The following PTK2 variants were observed in gnomAD, a reference collection of about 807,000 sequenced individuals.
PTK2 encodes the protein focal adhesion kinase 1.
A neutral mutation model predicts 150.1 loss-of-function variants in PTK2; 45 were observed. The observed-to-expected ratio is 0.30, with a 90% confidence interval of 0.24 to 0.38. The LOEUF is 0.38. PTK2 is among the 10% of genes least tolerant of loss of function. The pLI is 1.00. For synonymous variants in PTK2, 432 were observed against 449.2 expected (o/e 0.96, Z 0.48); for missense variants, 919 against 1,307.3 (o/e 0.70, Z 4.58).
intron 1 of PTK2, among the ~76,000 whole-genome samples, chr8:140,949,530 G>A (rs2100178808): frequency 6.6e-6 from 1 of 152,238 alleles, no homozygotes; most frequent in Non-Finnish European, 1.5e-5. Flanking sequence ...CCACTCCAGG[G>A]CAGAGCAAAG....
At position 140,775,266 on chromosome 8, in the gene PTK2, C is replaced by G. The variant is rs568832498; in HGVS notation, c.1178-10976G>C. Among the ~76,000 whole-genome samples, 4 of 152,218 alleles carry G rather than the reference C, an allele frequency of 2.6e-5. No individual in the cohort carries two copies. In the South Asian group the frequency reaches 8.3e-4, roughly 32 times the overall value. ...AGGGGAGGCAGAGGTGGGCAGATCA[C>G]CTGAGCTCTGGAGTTGGGAGACCAG... On this transcript the variant is annotated intron_variant, in intron 14 of 31. Transcript: ENST00000522684.
intron 1 of PTK2, among the ~76,000 whole-genome samples, chr8:140,929,592 A>G (rs75456950): frequency 6.6e-6 from 1 of 152,142 alleles, no homozygotes; most frequent in South Asian, 2.1e-4. Flanking sequence ...ACAAGTAAGG[A>G]CTTGTGATAC....
intron 29 of PTK2, among the ~76,000 whole-genome samples, chr8:140,673,593 A>C (rs2100011882): frequency 6.6e-6 from 1 of 152,240 alleles, no homozygotes; most frequent in South Asian, 2.1e-4. Flanking sequence ...ATCTCCTTAC[A>C]GGACACAGGC....
intron 1 of PTK2, among the ~76,000 whole-genome samples, chr8:140,929,832 C>G (rs1476829187): frequency 6.6e-6 from 1 of 151,632 alleles, no homozygotes; most frequent in African/African-American, 2.4e-5. Context: ...ATGTATTTTT[C>G]AGTTATGATA....
chr8:140,983,657 G>A (rs2100192245), intron 1 of PTK2, among the ~76,000 whole-genome samples: 1 of 145,764 alleles, frequency 6.9e-6, no homozygotes, highest in Admixed American at 6.9e-5. Flanking sequence ...AGAGAGGGAA[G>A]TGAAGGAAGG....
intron 27 of PTK2, among the ~76,000 whole-genome samples, chr8:140,676,010 G>A (rs1014418248): frequency 1.3e-5 from 2 of 152,126 alleles, no homozygotes; most frequent in East Asian, 1.9e-4. Context: ...ATCAACCTAA[G>A]TGTCCATCAA....
chr8:140,808,692 C>T (rs2100099584), intron 10 of PTK2, among the ~76,000 whole-genome samples: 1 of 148,316 alleles, frequency 6.7e-6, no homozygotes, highest in Non-Finnish European at 1.5e-5. Flanking sequence ...CTAAATAATG[C>T]TATAATGAAA....
chr8:140,800,718 G>T, intron 11 of PTK2, 142 bp from the exon 12 acceptor site: 1 of 643,524 alleles, frequency 1.6e-6, no homozygotes, highest in Non-Finnish European at 2.7e-6. Flanking sequence ...TGAGATTTGA[G>T]AAAGGAAATC....
chr8:140,738,498 G>A (rs1485874823), intron 21 of PTK2, among the ~76,000 whole-genome samples: 1 of 152,122 alleles, frequency 6.6e-6, no homozygotes, highest in African/African-American at 2.4e-5. Flanking sequence ...CAGGTGAGGA[G>A]GAACAAATGA....
chr8:140,826,082 A>G (rs1309480045), intron 8 of PTK2, among the ~76,000 whole-genome samples: 1 of 152,228 alleles, frequency 6.6e-6, no homozygotes, highest in Admixed American at 6.5e-5. Flanking sequence ...TCTTCTACGA[A>G]TATAAATAGA....
intron 2 of PTK2, among the ~76,000 whole-genome samples, chr8:140,895,348 A>C (rs1462130129): frequency 6.6e-6 from 1 of 151,684 alleles, no homozygotes; most frequent in Non-Finnish European, 1.5e-5. Flanking sequence ...GGCTTGTGAG[A>C]CCCCTACAAA....
chr8:140,856,680 T>C (rs1184996612), intron 5 of PTK2, among the ~76,000 whole-genome samples: 1 of 152,194 alleles, frequency 6.6e-6, no homozygotes, highest in African/African-American at 2.4e-5. Flanking sequence ...GTGATGGTCA[T>C]ATTCTACATT....
At chr8:140,702,179 A>T (rs2100030947) in intron 25 of PTK2, among the ~76,000 whole-genome samples, 1 of 140,046 alleles carries the variant, frequency 7.1e-6, no homozygotes, top group South Asian at 2.3e-4. Context: ...AAATCTTAGG[A>T]TTTAGAAATA....
At chr8:140,754,058 T>C (rs922160112) in intron 16 of PTK2, among the ~76,000 whole-genome samples, 7 of 152,228 alleles carry the variant, frequency 4.6e-5, no homozygotes, top group African/African-American at 1.7e-4. Context: ...TTGTATACTA[T>C]GTGTTTCCAG....
chr8:140,955,716 AG>A (rs1161072613), intron 1 of PTK2, among the ~76,000 whole-genome samples: 2 of 152,220 alleles, frequency 1.3e-5, no homozygotes, highest in Non-Finnish European at 2.9e-5. Context: ...ATGACTCAGC[AG>A]GCCCAATGCA....
intron 1 of PTK2, among the ~76,000 whole-genome samples, chr8:140,929,582 A>G (rs530068485): frequency 3.0e-4 from 45 of 152,300 alleles, no homozygotes; most frequent in African/African-American, 9.9e-4. Flanking sequence ...GCTCACATAC[A>G]CAAGTAAGGA....
At chr8:140,871,957 C>G (rs2100142777) in intron 4 of PTK2, among the ~76,000 whole-genome samples, 1 of 151,974 alleles carries the variant, frequency 6.6e-6, no homozygotes, top group African/African-American at 2.4e-5. Context: ...ACCTATAATC[C>G]CAGCACTTTG....
chr8:140,786,776 A>T (rs2100085216), intron 14 of PTK2, among the ~76,000 whole-genome samples: 1 of 152,138 alleles, frequency 6.6e-6, no homozygotes, highest in African/African-American at 2.4e-5. Flanking sequence ...GACACCACTT[A>T]TTCTTTGCTT....
chr8:140,826,794 T>C (rs2100112018), intron 8 of PTK2, among the ~76,000 whole-genome samples: 1 of 152,096 alleles, frequency 6.6e-6, no homozygotes, highest in Non-Finnish European at 1.5e-5. Context: ...GGTCCATGCC[T>C]GTAATCCCAG....
Sources: gnomAD v4.1 joint callset for allele counts (sites outside exome capture counted in the v4.1 genomes callset) on GRCh38, gnomAD v4.1.1 for gene constraint, MANE v1.5 for transcripts, NCBI Gene and HGNC (gene_info 2026-07-23, HGNC 2026-07-21) for gene names.